Variants in ZC4H2 observed in about 807,000 individuals in gnomAD.
ZC4H2 encodes zinc finger C4H2 domain-containing protein.
For missense variants in ZC4H2, 137 were observed against 173.9 expected (o/e 0.79, Z 1.19); for synonymous variants, 84 against 66.3 (o/e 1.27, Z -1.30).
In ZC4H2 at chrX:64,922,116, T is replaced by A. The variant is rs1323123554; in HGVS notation, c.54-128A>T. On this transcript the variant is annotated intron_variant, in intron 1 of 4. Coordinates refer to ENST00000374839, the MANE Select transcript of ZC4H2 (RefSeq NM_018684.4). The stretch of plus-strand genomic sequence containing the variant: ...TCCAGGCAGAGCCAACCTGAGGCCA[T>A]CTCAAAAAAGAAGGCCAGGTGCAAT... 4.6e-6 allele frequency: 5 copies of A among 1,092,934 alleles called. No homozygotes were observed. In the East Asian group the frequency reaches 1.0e-4, roughly 22 times the overall value. 90.1% of individuals were successfully genotyped at this position (1,092,934 alleles called of 1,213,427 possible). A position where few individuals can be genotyped will look rare whatever the true frequency, so the allele number is the denominator to read the frequency against.
intron 1 of ZC4H2, among the ~76,000 whole-genome samples, chrX:64,983,889 T>C (rs1426331452): frequency 2.7e-5 from 3 of 112,111 alleles, no homozygotes; most frequent in Non-Finnish European, 5.6e-5. Flanking sequence ...GAATGTCTTC[T>C]TGACCCAACA....
chrX:64,961,509 A>C (rs1398497545), intron 1 of ZC4H2, among the ~76,000 whole-genome samples: 2 of 111,400 alleles, frequency 1.8e-5, no homozygotes, highest in Non-Finnish European at 3.8e-5. Flanking sequence ...ATTTATAATA[A>C]CTTTTAATGT....
At chrX:64,943,810 T>C (rs1487747325) in intron 1 of ZC4H2, among the ~76,000 whole-genome samples, 1 of 111,665 alleles carries the variant, frequency 9.0e-6, no homozygotes, top group East Asian at 2.8e-4. Context: ...GTCTTTTAAT[T>C]GGGGAATTTA....
intron 1 of ZC4H2, among the ~76,000 whole-genome samples, chrX:64,954,362 A>ATATATATATATATACAAT (rs1931054589): frequency 1.3e-5 from 1 of 76,981 alleles, no homozygotes; most frequent in African/African-American, 8.2e-5. Context: ...ATAATTATAT[A>ATATATATATATATACAAT]TATATATATA....
chrX:64,937,360 C>G (rs775276848), intron 1 of ZC4H2, among the ~76,000 whole-genome samples: 1 of 111,109 alleles, frequency 9.0e-6, no homozygotes, highest in Non-Finnish European at 1.9e-5. Flanking sequence ...ACCCCACTGT[C>G]AATATTAGAC....
At chrX:64,945,453 A>T (rs772736536) in intron 1 of ZC4H2, among the ~76,000 whole-genome samples, 1 of 111,245 alleles carries the variant, frequency 9.0e-6, no homozygotes, top group African/African-American at 3.3e-5. Context: ...TCCTCTGGAA[A>T]CTTCATCCCA....
chrX:64,923,603 C>T (rs1929300032), intron 1 of ZC4H2, among the ~76,000 whole-genome samples: 1 of 110,252 alleles, frequency 9.1e-6, no homozygotes, highest in South Asian at 3.8e-4. Context: ...CACAGAACTA[C>T]AGAAAGAACT....
In ZC4H2 at chrX:64,976,429, A is replaced by G. The variant is rs1295263807; in HGVS notation, c.-52T>C. 4 of 1,159,225 alleles carry G rather than the reference A, an allele frequency of 3.5e-6. No homozygotes were observed. The African/African-American group carries it at 7.1e-5, about 21-fold the overall frequency. On this transcript the variant is annotated 5_prime_UTR_variant, in exon 1 of 5. Coordinates refer to ENST00000374839, the MANE Select transcript of ZC4H2 (RefSeq NM_018684.4). ...GAGAGATGTACAAATACACCAGCCA[A>G]GGGATACAATAGACACAATGTAGCC...
At chrX:64,951,348 T>C (rs1930819047) in intron 1 of ZC4H2, among the ~76,000 whole-genome samples, 2 of 111,893 alleles carry the variant, frequency 1.8e-5, no homozygotes, top group African/African-American at 6.5e-5. Context: ...ATGGTATTTC[T>C]AGTTCTAGAT....
At chrX:65,029,491 A>AAG (rs969233144) in intron 1 of ZC4H2, among the ~76,000 whole-genome samples, 3 of 111,827 alleles carry the variant, frequency 2.7e-5, no homozygotes, top group Non-Finnish European at 5.6e-5. Flanking sequence ...CACTTCTAGG[A>AAG]AACTGAAGGA....
At position 65,015,980 on chromosome X, in the gene ZC4H2, C is replaced by T. The variant is rs555818801; in HGVS notation, c.-272+18649G>A. ...TTCCTACTAGCTTGCTTACCCCAAT[C>T]CATAAAGATATATAGCCAAAAAAGT... On this transcript the variant is annotated intron_variant, in intron 1 of 4. Coordinates refer to the ZC4H2 transcript ENST00000337990. Among the ~76,000 whole-genome samples, 30 of 111,293 alleles carry T rather than the reference C, an allele frequency of 2.7e-4. No homozygotes were observed. In the South Asian group the frequency reaches 8.5e-3, roughly 31 times the overall value.
At chrX:64,922,143 G>GCT in intron 1 of ZC4H2, 155 bp from the exon 2 acceptor site, 1 of 1,079,584 alleles carries the variant, frequency 9.3e-7, no homozygotes. Flanking sequence ...AGGTGCAATG[G>GCT]CTCATGCCAG....
chrX:64,924,220 A>C (rs1929330814), intron 1 of ZC4H2, among the ~76,000 whole-genome samples: 1 of 112,328 alleles, frequency 8.9e-6, no homozygotes, highest in Non-Finnish European at 1.9e-5. Flanking sequence ...CATGCGCTTT[A>C]GACTCAGACT....
At chrX:65,030,532 C>T (rs995214527) in intron 1 of ZC4H2, among the ~76,000 whole-genome samples, 2 of 112,252 alleles carry the variant, frequency 1.8e-5, no homozygotes, top group Non-Finnish European at 3.8e-5. Flanking sequence ...TTTATGATTT[C>T]ATTTATGTAA....
chrX:64,982,259 T>C (rs1207789675), intron 1 of ZC4H2, among the ~76,000 whole-genome samples: 1 of 111,970 alleles, frequency 8.9e-6, no homozygotes, highest in African/African-American at 3.2e-5. Context: ...CTCCTTTATA[T>C]CACCAGAACT....
chrX:64,945,366 G>C (rs1407184656), intron 1 of ZC4H2, among the ~76,000 whole-genome samples: 1 of 111,887 alleles, frequency 8.9e-6, no homozygotes, highest in Non-Finnish European at 1.9e-5. Flanking sequence ...GAGTTTGCTG[G>C]TGGTCCACTC....
chrX:64,919,849 T>C, intron 3 of ZC4H2: 1 of 349,964 alleles, frequency 2.9e-6, no homozygotes, highest in Non-Finnish European at 4.9e-6. Context: ...CTAATTCATC[T>C]AGTAATTCAT....
At chrX:64,988,126 C>T (rs1311934365) in intron 1 of ZC4H2, among the ~76,000 whole-genome samples, 2 of 110,051 alleles carry the variant, frequency 1.8e-5, no homozygotes, top group Admixed American at 9.7e-5. Flanking sequence ...TCTTAATCCA[C>T]TCTATCATTG....
upstream of ZC4H2, among the ~76,000 whole-genome samples, chrX:64,977,071 T>C (rs1287201215): frequency 1.8e-5 from 2 of 111,644 alleles, no homozygotes; most frequent in African/African-American, 3.3e-5. Flanking sequence ...ATGGAAGAAG[T>C]ACTGTAGGAG....
Sources: gnomAD v4.1 joint callset for allele counts (sites outside exome capture counted in the v4.1 genomes callset) on GRCh38, gnomAD v4.1.1 for gene constraint, MANE v1.5 for transcripts, NCBI Gene and HGNC (gene_info 2026-07-23, HGNC 2026-07-21) for gene names.